Variants in CSMD2 observed in about 807,000 individuals in gnomAD.
CSMD2 encodes the protein CUB and sushi domain-containing protein 2.
Under a neutral mutation model 398.5 loss-of-function variants are expected in CSMD2, and 130 were observed. The ratio of observed to expected loss-of-function variants is 0.33; its 90% CI spans 0.28 to 0.38. CSMD2 has a LOEUF of 0.38. Among genes scored for constraint, CSMD2 ranks in the 10% least tolerant of loss-of-function variants. The pLI is 1.00. For missense variants in CSMD2, 3,829 were observed against 4,764.9 expected, an observed-to-expected ratio of 0.80 and a Z score of 5.78; for synonymous variants, 1,828 against 1,908.5, an observed-to-expected ratio of 0.96 and a Z score of 1.10.
intron 3 of CSMD2, among the ~76,000 whole-genome samples, chr1:33,951,002 C>T (rs772953408): frequency 6.6e-6 from 1 of 152,172 alleles, no homozygotes; most frequent in Non-Finnish European, 1.5e-5. Context: ...TCATCCAGAA[C>T]CTTGGGTGTT....
rs927912642 is a variant in CSMD2 at position 34,035,191 on chromosome 1, A to G, written c.405-2485T>C. ...TGAAACAGATCACTTGAATAGCCCT[A>G]TAACTATTAAGGAGATTGAATTAGT... On this transcript the variant is annotated intron_variant, in intron 2 of 70. Transcript: ENST00000373381. 2.6e-5 allele frequency among the ~76,000 whole-genome samples: 4 copies of G among 152,182 alleles called. 1 individual carries two copies. The highest frequency in any genetic ancestry group is 4.4e-5 in the Non-Finnish European group (3 of 68,014).
chr1:33,600,807 A>G, intron 44 of CSMD2, 58 bp downstream of exon 44: 1 of 1,586,572 alleles, frequency 6.3e-7, no homozygotes, highest in Non-Finnish European at 8.6e-7. Context: ...ACGGGAGTCA[A>G]GCTCAGCCTT....
chr1:33,788,811 G>C, intron 11 of CSMD2, 99 bp from the exon 12 acceptor site: 1 of 767,142 alleles, frequency 1.3e-6, no homozygotes, highest in Non-Finnish European at 2.2e-6. Flanking sequence ...CCAGGATCCA[G>C]GCCCGCTCGG....
In CSMD2 at chr1:34,163,243, G is replaced by T. The variant is rs1258343177; in HGVS notation, c.187+1668C>A. On this transcript the variant is annotated intron_variant, in intron 1 of 70. Coordinates refer to ENST00000373381, the MANE Select transcript of CSMD2 (RefSeq NM_001281956.2). The surrounding 1 kb of genome is among the most constrained non-coding windows in gnomAD (Gnocchi z 5.4). ...GGGAGGTAGCAGCGATTCCCCCACC[G>T]CCCATGTGGCAAGTCTGGGTGACCA... 6.6e-6 allele frequency among the ~76,000 whole-genome samples: 1 copy of T among 152,224 alleles called. No homozygotes were observed. Among genetic ancestry groups the T allele is most frequent in the Non-Finnish European group, 1.5e-5 (1 of 68,032 alleles).
At chr1:33,677,850 T>C (rs1452921817) in intron 25 of CSMD2, among the ~76,000 whole-genome samples, 2 of 149,764 alleles carry the variant, frequency 1.3e-5, no homozygotes, top group African/African-American at 2.5e-5. Flanking sequence ...CAGCAAACTA[T>C]CACAAGGACA....
In CSMD2 at chr1:33,960,550, T is replaced by A. The variant is rs150248351; in HGVS notation, c.518-24596A>T. On this transcript the variant is annotated intron_variant, in intron 3 of 70. Coordinates refer to ENST00000373381, the MANE Select transcript of CSMD2 (RefSeq NM_001281956.2). ...ATAGGTCCTGCCTTCAAGGGGCTCA[T>A]GGTGTTGTGGGGGAGACAGATGTGC... Among the ~76,000 whole-genome samples, 213 of 152,298 alleles carry A rather than the reference T, an allele frequency of 1.4e-3. 2 individuals carry two copies. The highest frequency in any genetic ancestry group is 5.0e-3 in the African/African-American group (209 of 41,564).
At chr1:34,062,882 T>C (rs1282170724) in intron 2 of CSMD2, among the ~76,000 whole-genome samples, 2 of 152,070 alleles carry the variant, frequency 1.3e-5, no homozygotes, top group African/African-American at 4.8e-5. Flanking sequence ...GATAAAGACA[T>C]ACCCGAGACT....
chr1:33,679,719 A>C (rs1330020511), intron 25 of CSMD2, among the ~76,000 whole-genome samples: 1 of 152,172 alleles, frequency 6.6e-6, no homozygotes, highest in Non-Finnish European at 1.5e-5. Context: ...TTTATTTTTT[A>C]CTTGACTAAG....
chr1:33,673,395 A>C (rs1644585470), intron 25 of CSMD2, among the ~76,000 whole-genome samples: 1 of 152,246 alleles, frequency 6.6e-6, no homozygotes, highest in Non-Finnish European at 1.5e-5. Flanking sequence ...ATGAAGCGAG[A>C]AGAGAAGTTT....
chr1:34,138,283 C>T (rs1157948266), intron 1 of CSMD2, among the ~76,000 whole-genome samples: 1 of 152,162 alleles, frequency 6.6e-6, no homozygotes, highest in Non-Finnish European at 1.5e-5. Flanking sequence ...ACGATTTCCT[C>T]CAGGAGAGGG....
chr1:34,023,508 A>C (rs1295225461), intron 3 of CSMD2, among the ~76,000 whole-genome samples: 2 of 152,204 alleles, frequency 1.3e-5, no homozygotes, highest in Non-Finnish European at 2.9e-5. Context: ...CAGGACTCCT[A>C]CTGTGTGGCA....
At chr1:33,640,228 A>C (rs1643030997) in intron 29 of CSMD2, among the ~76,000 whole-genome samples, 1 of 152,236 alleles carries the variant, frequency 6.6e-6, no homozygotes. Flanking sequence ...CCAAACATTC[A>C]ACCAGTAAGG....
intron 43 of CSMD2, 137 bp from the exon 44 acceptor site, chr1:33,601,147 T>C: frequency 8.9e-7 from 1 of 1,128,322 alleles, no homozygotes; most frequent in Non-Finnish European, 1.3e-6. Flanking sequence ...CCCCACACCA[T>C]GCCCTAAATA....
At position 33,629,074 on chromosome 1, in the gene CSMD2, A is replaced by C. The variant is rs574238039; in HGVS notation, c.5201-2493T>G. Among the ~76,000 whole-genome samples, 180 of 152,186 alleles carry C rather than the reference A, an allele frequency of 1.2e-3. 1 individual carries two copies. The highest frequency in any genetic ancestry group is 3.9e-3 in the African/African-American group (160 of 41,528). ...AGTTATAAGCCCTACTGAAAAAAAA[A>C]AAAACAAAACCCAAAACTAAAGTAG... On this transcript the variant is annotated intron_variant, in intron 32 of 70. Transcript: ENST00000373381.
At chr1:34,047,816 G>A (rs908505665) in intron 2 of CSMD2, among the ~76,000 whole-genome samples, 3 of 152,294 alleles carry the variant, frequency 2.0e-5, no homozygotes, top group South Asian at 2.1e-4. Flanking sequence ...GGCACAAGCA[G>A]AGGAAAGACA....
At chr1:33,837,351 G>T (rs1399224548) in intron 6 of CSMD2, among the ~76,000 whole-genome samples, 1 of 151,956 alleles carries the variant, frequency 6.6e-6, no homozygotes, top group African/African-American at 2.4e-5. Context: ...AGAACATAGA[G>T]AATTTCTGGG....
At chr1:33,766,560 A>G (rs1409096186) in intron 13 of CSMD2, among the ~76,000 whole-genome samples, 1 of 152,266 alleles carries the variant, frequency 6.6e-6, no homozygotes, top group Non-Finnish European at 1.5e-5. Context: ...CTATCTCCAC[A>G]TGAGAAGAGC....
At chr1:33,530,879 G>T (rs1557488683) in intron 64 of CSMD2, among the ~76,000 whole-genome samples, 1 of 152,126 alleles carries the variant, frequency 6.6e-6, no homozygotes, top group Non-Finnish European at 1.5e-5. Flanking sequence ...CTTATCTGTG[G>T]AATCTAAAGT....
At chr1:33,609,764 G>A (rs1640875280) in intron 41 of CSMD2, among the ~76,000 whole-genome samples, 1 of 152,124 alleles carries the variant, frequency 6.6e-6, no homozygotes, top group African/African-American at 2.4e-5. Context: ...GAAAAGCGGG[G>A]AATACATATT....
Sources: gnomAD v4.1 joint callset for allele counts (sites outside exome capture counted in the v4.1 genomes callset) on GRCh38, gnomAD v4.1.1 for gene constraint, Gnocchi (gnomAD v3.1) non-coding constraint, MANE v1.5 for transcripts, NCBI Gene and HGNC (gene_info 2026-07-23, HGNC 2026-07-21) for gene names.